SH3RF3: variants seen among roughly 807,000 people sequenced by gnomAD.
SH3RF3 encodes SH3 domain containing ring finger 3, also known as E3 ubiquitin-protein ligase SH3RF3.
Under a neutral mutation model 66.3 loss-of-function variants are expected in SH3RF3, and 29 were observed. The observed-to-expected ratio is 0.44, with a 90% confidence interval of 0.33 to 0.60. SH3RF3 has a LOEUF of 0.60. Among genes scored for constraint, SH3RF3 ranks in the 20% least tolerant of loss-of-function variants. The pLI is 0.04. For missense variants in SH3RF3, 1,194 were observed against 1,190.9 expected (o/e 1.00, Z -0.04); for synonymous variants, 583 against 532.0 (o/e 1.10, Z -1.32).
chr2:109,316,374 A>G (rs80043775), intron 1 of SH3RF3, among the ~76,000 whole-genome samples: 47,322 of 151,920 alleles, frequency 0.31, 9,129 homozygotes, highest in African/African-American at 0.55. Flanking sequence ...CTCCTGGAGA[A>G]GCCCTGGTGC....
chr2:109,468,312 A>G (rs971909620), intron 8 of SH3RF3, among the ~76,000 whole-genome samples: 5 of 152,220 alleles, frequency 3.3e-5, no homozygotes, highest in Non-Finnish European at 7.3e-5. Flanking sequence ...GTGTCTAAAT[A>G]TAGCTAAACA....
intron 9 of SH3RF3, among the ~76,000 whole-genome samples, chr2:109,494,972 G>A (rs1021562364): frequency 1.1e-4 from 17 of 152,118 alleles, no homozygotes; most frequent in Non-Finnish European, 2.1e-4. Context: ...ATCTGGGGCC[G>A]GGTCAGCGAG....
chr2:109,490,018 A>G (rs1018655556), intron 8 of SH3RF3, among the ~76,000 whole-genome samples: 8 of 152,290 alleles, frequency 5.3e-5, no homozygotes, highest in East Asian at 1.9e-4. Context: ...GATTACAGGC[A>G]TGAGCCACCG....
Position 109,368,764 on chromosome 2 carries a change from G to T in SH3RF3, c.850-2822G>T, listed in dbSNP as rs139672208. 3.3e-3 allele frequency among the ~76,000 whole-genome samples: 490 copies of T among 150,722 alleles called. 5 individuals are homozygous for T. The highest frequency in any genetic ancestry group is 0.011 in the African/African-American group (450 of 41,154). ...AGAACGAAAGAAACAAAATTAATCTGGCATTTTCTTCTTTTTGTTTTTAAT... is the reference window on the plus strand; with the variant it reads ...AGAACGAAAGAAACAAAATTAATCTTGCATTTTCTTCTTTTTGTTTTTAAT... On this transcript the variant is annotated intron_variant, in intron 2 of 9. Transcript: ENST00000309415.
intron 1 of SH3RF3, among the ~76,000 whole-genome samples, chr2:109,325,975 G>A (rs1682144665): frequency 6.6e-6 from 1 of 152,226 alleles, no homozygotes; most frequent in Non-Finnish European, 1.5e-5. Flanking sequence ...TAACGTATAT[G>A]TCATGTTTAA....
chr2:109,137,963 T>C (rs1244195776), intron 1 of SH3RF3, among the ~76,000 whole-genome samples: 1 of 152,244 alleles, frequency 6.6e-6, no homozygotes, highest in South Asian at 2.1e-4. Context: ...GTTGCCTGTG[T>C]GGAGTGCCTT....
intron 1 of SH3RF3, among the ~76,000 whole-genome samples, chr2:109,278,731 G>C (rs1574546647): frequency 6.6e-6 from 1 of 152,278 alleles, no homozygotes; most frequent in Non-Finnish European, 1.5e-5. Flanking sequence ...ATGGTGAAAG[G>C]CAAGTCCCTA....
intron 1 of SH3RF3, among the ~76,000 whole-genome samples, chr2:109,254,833 G>A (rs1023258948): frequency 2.0e-5 from 3 of 151,968 alleles, no homozygotes; most frequent in Admixed American, 2.0e-4. Context: ...GCACTGCCTC[G>A]CCAGGGCAGT....
rs150659099 is a variant in SH3RF3, at chr2:109,485,798, T to A, written c.2149-4807T>A. Reference sequence around the variant, plus strand: ...AGCTCTCCCTTCTGTAACATGTCAGTGTTCCGTGCCTGGGCACAGGGATGC... The same window carrying A: ...AGCTCTCCCTTCTGTAACATGTCAGAGTTCCGTGCCTGGGCACAGGGATGC... On this transcript the variant is annotated intron_variant, in intron 8 of 9. Coordinates refer to ENST00000309415, the MANE Select transcript of SH3RF3 (RefSeq NM_001099289.3). 4.0e-3 allele frequency among the ~76,000 whole-genome samples: 607 copies of A among 152,382 alleles called. 7 individuals carry two copies. The highest frequency in any genetic ancestry group is 0.014 in the African/African-American group (576 of 41,592).
intron 1 of SH3RF3, among the ~76,000 whole-genome samples, chr2:109,332,061 A>C (rs979461519): frequency 1.3e-5 from 2 of 152,126 alleles, no homozygotes; most frequent in African/African-American, 4.8e-5. Flanking sequence ...CTAAAGAGAG[A>C]AGACTGCATG....
intron 1 of SH3RF3, among the ~76,000 whole-genome samples, chr2:109,331,122 T>TG (rs1485965106): frequency 3.3e-5 from 5 of 152,216 alleles, no homozygotes; most frequent in Non-Finnish European, 7.3e-5. Context: ...GGCCAGGAGA[T>TG]AAACTCAAAA....
intron 1 of SH3RF3, among the ~76,000 whole-genome samples, chr2:109,343,067 G>A (rs1682593409): frequency 6.6e-6 from 1 of 152,184 alleles, no homozygotes; most frequent in Non-Finnish European, 1.5e-5. Context: ...ACGTCTGTGG[G>A]CAGAAAGCAA....
intron 1 of SH3RF3, among the ~76,000 whole-genome samples, chr2:109,271,628 G>A (rs1574542535): frequency 6.6e-6 from 1 of 152,224 alleles, no homozygotes. Context: ...GAGGCCCCGT[G>A]TGGTTCCCAG....
At chr2:109,306,364 C>T (rs1196617651) in intron 1 of SH3RF3, among the ~76,000 whole-genome samples, 1 of 152,244 alleles carries the variant, frequency 6.6e-6, no homozygotes, top group Non-Finnish European at 1.5e-5. Flanking sequence ...CATACTCCAG[C>T]AGCACCTGCA....
At position 109,192,716 on chromosome 2, in the gene SH3RF3, A is replaced by G. The variant is rs148870427; in HGVS notation, c.573+62603A>G. Among the ~76,000 whole-genome samples the G allele has an allele frequency of 2.2e-4, 33 of 152,358 alleles. 2 individuals carry two copies. In the East Asian group the frequency reaches 6.4e-3, roughly 29 times the overall value. On this transcript the variant is annotated intron_variant, in intron 1 of 9. Coordinates refer to ENST00000309415, the MANE Select transcript of SH3RF3 (RefSeq NM_001099289.3). ...ATTTTTCAAGGACTTAAATTTTAAA[A>G]TCTGGAAACTTATTTCAGTCCCTGG...
chr2:109,296,564 C>G (rs1053125337), intron 1 of SH3RF3, among the ~76,000 whole-genome samples: 58 of 152,246 alleles, frequency 3.8e-4, no homozygotes, highest in Middle Eastern at 6.8e-3. Flanking sequence ...TTTTAAAGGT[C>G]ATCAGGGCAT....
intron 1 of SH3RF3, among the ~76,000 whole-genome samples, chr2:109,250,563 T>G (rs1680064492): frequency 6.6e-6 from 1 of 151,946 alleles, no homozygotes; most frequent in South Asian, 2.1e-4. Context: ...TTTCAAAACA[T>G]GATAAATACA....
rs181744361 is a variant in SH3RF3 at position 109,264,814 on chromosome 2, A to G, written c.574-82860A>G. Among the ~76,000 whole-genome samples, 165 of 152,172 alleles carry G rather than the reference A, an allele frequency of 1.1e-3. 1 individual carries two copies. The highest frequency in any genetic ancestry group is 3.8e-3 in the African/African-American group (156 of 41,512). On this transcript the variant is annotated intron_variant, in intron 1 of 9. Coordinates refer to ENST00000309415, the MANE Select transcript of SH3RF3 (RefSeq NM_001099289.3). ...GGCCATCACCTACCGTGCATGCCGC[A>G]CCCTCCTGAGGCTTTCTGGAGTGTG...
At chr2:109,249,925 C>A (rs1680045151) in intron 1 of SH3RF3, among the ~76,000 whole-genome samples, 1 of 151,342 alleles carries the variant, frequency 6.6e-6, no homozygotes. Flanking sequence ...ACCTCATGAT[C>A]CACCTGCCTT....
Sources: allele counts gnomAD v4.1 joint callset (sites outside exome capture counted in the v4.1 genomes callset), GRCh38; gene constraint gnomAD v4.1.1; transcripts MANE v1.5; gene names NCBI Gene and HGNC (gene_info 2026-07-23, HGNC 2026-07-21).